Variants in MAF observed in about 807,000 individuals in gnomAD.
MAF encodes MAF bZIP transcription factor, also known as transcription factor Maf.
Under a neutral mutation model 22.0 loss-of-function variants are expected in MAF, and 10 were observed. That is an observed-to-expected ratio of 0.45 (90% CI 0.28 to 0.77). The LOEUF (loss-of-function observed/expected upper bound fraction) is 0.77, where lower values mean the gene tolerates loss of function less well. Among genes scored for constraint, MAF ranks in the 30% least tolerant of loss-of-function variants. The pLI is 0.12. For synonymous variants in MAF, 337 were observed against 255.8 expected, an observed-to-expected ratio of 1.32 and a Z score of -3.03; for missense variants, 544 against 548.4, an observed-to-expected ratio of 0.99 and a Z score of 0.08.
the MAF span, among the ~76,000 whole-genome samples, chr16:79,270,841 A>G: frequency 3.4e-4 from 51 of 151,950 alleles, no homozygotes; most frequent in African/African-American, 1.2e-3. Context: ...ACAGACACAG[A>G]CAGAGACACT....
chr16:79,319,145 AAC>A, the MAF span, among the ~76,000 whole-genome samples: 3 of 152,182 alleles, frequency 2.0e-5, no homozygotes, highest in East Asian at 5.8e-4. Flanking sequence ...CCAGGCAGAG[AAC>A]TCTGGGCTGT....
the MAF span, among the ~76,000 whole-genome samples, chr16:79,234,274 T>A: frequency 6.6e-6 from 1 of 152,060 alleles, no homozygotes; most frequent in Non-Finnish European, 1.5e-5. Flanking sequence ...CTATTAATTT[T>A]ATTTTTGCCC....
At chr16:79,596,594 A>G in intron 1 of MAF, 1 of 1,045,724 alleles carries the variant, frequency 9.6e-7, no homozygotes, top group Non-Finnish European at 1.2e-6. Flanking sequence ...AACTCAAGAT[A>G]TAAAACAATT....
At chr16:79,281,075 G>A in the MAF span, among the ~76,000 whole-genome samples, 1 of 152,166 alleles carries the variant, frequency 6.6e-6, no homozygotes, top group African/African-American at 2.4e-5. Flanking sequence ...GAGCAGAGAG[G>A]AAGAGGAAGA....
At chr16:79,505,702 A>G in the MAF span, 1 of 152,276 alleles carries the variant, frequency 6.6e-6, no homozygotes, top group Non-Finnish European at 1.5e-5. Context: ...CCAGCAAGAC[A>G]AATAAGGTGA....
chr16:79,227,638 T>C, the MAF span, among the ~76,000 whole-genome samples: 2 of 152,154 alleles, frequency 1.3e-5, no homozygotes, highest in East Asian at 1.9e-4. Context: ...CTACGTTTTG[T>C]TTTATTACTA....
chr16:79,351,830 G>A, the MAF span, among the ~76,000 whole-genome samples: 1 of 152,092 alleles, frequency 6.6e-6, no homozygotes, highest in Non-Finnish European at 1.5e-5. Context: ...ACACATTGCT[G>A]GGAAATGTGG....
the MAF span, among the ~76,000 whole-genome samples, chr16:79,272,570 A>G: frequency 6.6e-6 from 1 of 152,206 alleles, no homozygotes; most frequent in Non-Finnish European, 1.5e-5. Context: ...ATTTGTGACC[A>G]CGTGGCCCCA....
chr16:79,516,468 T>A, the MAF span, among the ~76,000 whole-genome samples: 1 of 152,176 alleles, frequency 6.6e-6, no homozygotes. Context: ...TATCCCAGGC[T>A]CAGAGAGGAT....
intron 1 of MAF, among the ~76,000 whole-genome samples, chr16:79,587,930 C>A (rs1474211968): frequency 1.3e-5 from 2 of 150,054 alleles, no homozygotes; most frequent in Non-Finnish European, 3.0e-5. Flanking sequence ...ATTGCAGTTT[C>A]TGTGTTCATA....
At chr16:79,323,244 G>T in the MAF span, among the ~76,000 whole-genome samples, 1 of 149,860 alleles carries the variant, frequency 6.7e-6, no homozygotes, top group African/African-American at 2.5e-5. Context: ...CTAGTCCCGG[G>T]GGTTCAACTG....
chr16:79,431,253 G>C, the MAF span, among the ~76,000 whole-genome samples: 1 of 152,186 alleles, frequency 6.6e-6, no homozygotes, highest in Non-Finnish European at 1.5e-5. Flanking sequence ...GCAGCGTGGT[G>C]ATGAGCCCCA....
chr16:79,242,114 C>A, the MAF span, among the ~76,000 whole-genome samples: 2 of 152,000 alleles, frequency 1.3e-5, no homozygotes, highest in African/African-American at 4.8e-5. Flanking sequence ...ACCATTAACA[C>A]TATGAAGAAA....
chr16:79,562,217 C>T, the MAF span, among the ~76,000 whole-genome samples: 18 of 152,170 alleles, frequency 1.2e-4, no homozygotes, highest in South Asian at 4.1e-4. Context: ...CCAGTCTTTA[C>T]GGTACTTGGC....
the MAF span, among the ~76,000 whole-genome samples, chr16:79,565,241 G>C: frequency 4.4e-4 from 67 of 152,106 alleles, no homozygotes; most frequent in Non-Finnish European, 7.2e-4. Context: ...ACCTGTTTTT[G>C]TGGAAAAAAG....
At chr16:79,383,365 G>C in the MAF span, among the ~76,000 whole-genome samples, 1 of 152,044 alleles carries the variant, frequency 6.6e-6, no homozygotes, top group Non-Finnish European at 1.5e-5. Flanking sequence ...AAGAAATCAA[G>C]AAGGAAATAA....
the MAF span, among the ~76,000 whole-genome samples, chr16:79,416,376 C>G: frequency 2.0e-5 from 3 of 152,018 alleles, no homozygotes; most frequent in East Asian, 1.9e-4. Flanking sequence ...TGATATGTTC[C>G]CAGCATGTGA....
the MAF span, among the ~76,000 whole-genome samples, chr16:79,460,788 A>G: frequency 2.0e-5 from 3 of 152,096 alleles, no homozygotes; most frequent in Non-Finnish European, 4.4e-5. Flanking sequence ...TTTCTTCTAC[A>G]TTTCTTGCTA....
the MAF span, among the ~76,000 whole-genome samples, chr16:79,458,565 C>G: frequency 2.0e-5 from 3 of 152,132 alleles, no homozygotes; most frequent in Non-Finnish European, 4.4e-5. Flanking sequence ...CAGTGACGAC[C>G]AGCTCATGGA....
Sources: allele counts gnomAD v4.1 joint callset (sites outside exome capture counted in the v4.1 genomes callset), GRCh38; gene constraint gnomAD v4.1.1; transcripts MANE v1.5; gene names NCBI Gene and HGNC (gene_info 2026-07-23, HGNC 2026-07-21).